TRPS1: variants seen among roughly 807,000 people sequenced by gnomAD.
TRPS1 encodes zinc finger transcription factor Trps1.
In TRPS1, 6 loss-of-function variants were observed where a neutral mutation model predicts 101.2. The observed-to-expected ratio is 0.06, with a 90% confidence interval of 0.03 to 0.12. The LOEUF is 0.12. TRPS1 is among the 10% of genes least tolerant of loss of function. The pLI, the probability that TRPS1 is intolerant of heterozygous loss-of-function variation, is 1.00. For missense variants in TRPS1, 1,363 were observed against 1,567.0 expected (o/e 0.87, Z 2.20); for synonymous variants, 578 against 589.8 (o/e 0.98, Z 0.29).
chr8:115,447,152 C>A (rs1813757829), intron 5 of TRPS1, among the ~76,000 whole-genome samples: 1 of 152,150 alleles, frequency 6.6e-6, no homozygotes, highest in African/African-American at 2.4e-5. Flanking sequence ...CACTTCCAGT[C>A]TTTTAGCTCC....
intron 1 of TRPS1, among the ~76,000 whole-genome samples, chr8:115,625,656 AAAGAAAATGAC>A (rs1233553611): frequency 1.3e-5 from 2 of 151,946 alleles, no homozygotes; most frequent in Non-Finnish European, 2.9e-5. Flanking sequence ...CTTAAAAAGC[AAAGAAAATGAC>A]TATAAGGAAC....
chr8:115,654,173 A>T (rs1315758066), intron 1 of TRPS1, among the ~76,000 whole-genome samples: 1 of 152,232 alleles, frequency 6.6e-6, no homozygotes, highest in Non-Finnish European at 1.5e-5. Flanking sequence ...GCTTAACTAT[A>T]ATCAATAAAC....
At chr8:115,570,099 T>G (rs992135992) in intron 5 of TRPS1, among the ~76,000 whole-genome samples, 1 of 151,926 alleles carries the variant, frequency 6.6e-6, no homozygotes. Flanking sequence ...GGGATATATA[T>G]AGATATATAT....
chr8:115,457,084 G>A (rs954008295), intron 5 of TRPS1, among the ~76,000 whole-genome samples: 5 of 151,918 alleles, frequency 3.3e-5, no homozygotes, highest in Admixed American at 3.3e-4. Context: ...ATGTGGTTTA[G>A]AAAAAAGAAT....
chr8:115,576,286 T>C (rs201488903), intron 5 of TRPS1, among the ~76,000 whole-genome samples: 15 of 130,612 alleles, frequency 1.1e-4, no homozygotes, highest in Non-Finnish European at 2.0e-4. Flanking sequence ...TTCATATATA[T>C]ATATAGATAT....
chr8:115,646,825 C>T (rs373922290), intron 1 of TRPS1, among the ~76,000 whole-genome samples: 3 of 151,970 alleles, frequency 2.0e-5, no homozygotes, highest in Middle Eastern at 6.4e-3. Context: ...AAAGAGTTGC[C>T]GTGCTAAATC....
intron 5 of TRPS1, among the ~76,000 whole-genome samples, chr8:115,467,302 A>T (rs565412486): frequency 6.6e-6 from 1 of 152,234 alleles, no homozygotes; most frequent in Non-Finnish European, 1.5e-5. Flanking sequence ...CAAGTGGCAA[A>T]TGTAAGCTTT....
At chr8:115,465,864 A>G (rs1347742410) in intron 5 of TRPS1, among the ~76,000 whole-genome samples, 2 of 152,138 alleles carry the variant, frequency 1.3e-5, no homozygotes, top group South Asian at 2.1e-4. Context: ...AGTCTCTGTT[A>G]TCTATAGGAA....
chr8:115,508,266 G>C (rs1815495522), intron 5 of TRPS1, among the ~76,000 whole-genome samples: 1 of 152,062 alleles, frequency 6.6e-6, no homozygotes, highest in African/African-American at 2.4e-5. Flanking sequence ...AATATTGATG[G>C]CACGAACTTT....
chr8:115,593,812 T>C (rs1563629488), intron 4 of TRPS1, among the ~76,000 whole-genome samples: 1 of 152,188 alleles, frequency 6.6e-6, no homozygotes, highest in Non-Finnish European at 1.5e-5. Context: ...CCCAAATGAT[T>C]CAATCCAAGA....
At chr8:115,580,343 T>C (rs1817416734) in intron 5 of TRPS1, among the ~76,000 whole-genome samples, 1 of 151,936 alleles carries the variant, frequency 6.6e-6, no homozygotes, top group Admixed American at 6.6e-5. Context: ...AACCTCGTTG[T>C]GGCATTTTAG....
chr8:115,596,204 C>T (rs1817781051), intron 4 of TRPS1, among the ~76,000 whole-genome samples: 1 of 151,896 alleles, frequency 6.6e-6, no homozygotes, highest in Admixed American at 6.6e-5. Context: ...TCATCGCATA[C>T]ACTACCAAAA....
chr8:115,461,889 T>C (rs1003920119), intron 5 of TRPS1, among the ~76,000 whole-genome samples: 7 of 152,108 alleles, frequency 4.6e-5, no homozygotes, highest in Non-Finnish European at 8.8e-5. Flanking sequence ...AAAAATAATA[T>C]AACGAAAGTA....
intron 1 of TRPS1, among the ~76,000 whole-genome samples, chr8:115,642,079 T>C (rs1442469450): frequency 1.3e-5 from 2 of 152,032 alleles, no homozygotes; most frequent in African/African-American, 2.4e-5. Flanking sequence ...AAAGGCATGA[T>C]GGCTTGTGCC....
At chr8:115,514,313 A>T (rs75324045) in intron 5 of TRPS1, among the ~76,000 whole-genome samples, 4,665 of 151,794 alleles carry the variant, frequency 0.031, 231 homozygotes, top group African/African-American at 0.11. Flanking sequence ...TAACACAATA[A>T]TGAGGGGATT....
chr8:115,572,122 C>A (rs189691986), intron 5 of TRPS1, among the ~76,000 whole-genome samples: 2 of 152,262 alleles, frequency 1.3e-5, no homozygotes, highest in African/African-American at 4.8e-5. Flanking sequence ...TTAAAGCATG[C>A]ATGTCTTTGT....
At position 115,577,729 on chromosome 8, in the gene TRPS1, C is replaced by T. The variant is rs187116878; in HGVS notation, c.2700+9272G>A. Among the ~76,000 whole-genome samples, 120 of 152,018 alleles carry T rather than the reference C, an allele frequency of 7.9e-4. 1 individual carries two copies. The highest frequency in any genetic ancestry group is 2.8e-3 in the African/African-American group (116 of 41,472). ...AACTTTATCAAAGAAAAATACTTAA[C>T]GGAATCAATGTGCATTTAATATATT... On this transcript the variant is annotated intron_variant, in intron 5 of 6. Coordinates refer to ENST00000395715, the MANE Select transcript of TRPS1 (RefSeq NM_014112.5).
chr8:115,616,052 A>G (rs1341511160), intron 3 of TRPS1, among the ~76,000 whole-genome samples: 3 of 151,658 alleles, frequency 2.0e-5, no homozygotes, highest in African/African-American at 7.2e-5. Flanking sequence ...AAGAATTTAC[A>G]TGTCTTCTGC....
intron 5 of TRPS1, among the ~76,000 whole-genome samples, chr8:115,450,360 C>T (rs1445025631): frequency 6.6e-6 from 1 of 152,146 alleles, no homozygotes; most frequent in Non-Finnish European, 1.5e-5. Context: ...ACAGGCCTCA[C>T]CGACCATCTT....
Sources: gnomAD v4.1 joint callset for allele counts (sites outside exome capture counted in the v4.1 genomes callset) on GRCh38, gnomAD v4.1.1 for gene constraint, MANE v1.5 for transcripts, NCBI Gene and HGNC (gene_info 2026-07-23, HGNC 2026-07-21) for gene names.